The following ZNF365 variants were observed in gnomAD, a reference collection of about 807,000 sequenced individuals.
The protein encoded by ZNF365 is protein ZNF365.
A neutral mutation model predicts 35.0 loss-of-function variants in ZNF365; 22 were observed. The ratio of observed to expected loss-of-function variants is 0.63; its 90% confidence interval spans 0.45 to 0.90. ZNF365 has a LOEUF of 0.90. Ranked by LOEUF, ZNF365 falls within the 40% of genes least tolerant of loss-of-function variation. The pLI, the probability that ZNF365 is intolerant of heterozygous loss-of-function variation, is 0.00. For synonymous variants in ZNF365, 188 were observed against 196.2 expected (o/e 0.96, Z 0.35); for missense variants, 448 against 500.3 (o/e 0.90, Z 1.00).
At chr10:62,374,521 C>T (rs967632600) in intron 1 of ZNF365, 63 bp downstream of exon 1, 4 of 152,190 alleles carry the variant, frequency 2.6e-5, no homozygotes, top group African/African-American at 7.2e-5. Context: ...CCGGGGTGGC[C>T]GGGGCTGGGG....
At chr10:62,393,156 G>A (rs1046017215) in intron 3 of ZNF365, among the ~76,000 whole-genome samples, 5 of 152,066 alleles carry the variant, frequency 3.3e-5, no homozygotes, top group African/African-American at 9.6e-5. Context: ...GTACTGAGCT[G>A]TCATCTCCTA....
At chr10:62,438,245 A>G (rs1224144442) in intron 3 of ZNF365, among the ~76,000 whole-genome samples, 5 of 151,260 alleles carry the variant, frequency 3.3e-5, no homozygotes, top group East Asian at 3.9e-4. Flanking sequence ...CTGGAGTGCA[A>G]TGGCTCTATC....
At chr10:62,403,785 G>T (rs911431769), downstream of ZNF365, among the ~76,000 whole-genome samples, 2 of 152,204 alleles carry the variant, frequency 1.3e-5, no homozygotes, top group Non-Finnish European at 2.9e-5. Context: ...GTGTTTTTGA[G>T]AAATAGCTGT....
At chr10:62,408,776 A>G (rs934888908) in intron 3 of ZNF365, among the ~76,000 whole-genome samples, 2 of 152,146 alleles carry the variant, frequency 1.3e-5, no homozygotes, top group African/African-American at 4.8e-5. Context: ...AGACCAAAAT[A>G]TCAGAGCTAC....
chr10:62,430,725 C>T (rs559643348), intron 3 of ZNF365, among the ~76,000 whole-genome samples: 48 of 152,210 alleles, frequency 3.2e-4, no homozygotes, highest in African/African-American at 9.9e-4. Flanking sequence ...GAGAAAGAGA[C>T]GAAAGAGACA....
chr10:62,391,484 G>A (rs186773872), intron 3 of ZNF365, among the ~76,000 whole-genome samples: 1 of 152,262 alleles, frequency 6.6e-6, no homozygotes, highest in East Asian at 1.9e-4. Context: ...TTATGAGTGA[G>A]AACATACAAT....
intron 3 of ZNF365, among the ~76,000 whole-genome samples, chr10:62,422,382 C>T (rs1840183873): frequency 6.6e-6 from 1 of 152,140 alleles, no homozygotes; most frequent in African/African-American, 2.4e-5. Flanking sequence ...CAACATTCCC[C>T]ACTTTTGAGT....
At chr10:62,413,376 A>G (rs1356063005) in intron 3 of ZNF365, among the ~76,000 whole-genome samples, 1 of 152,188 alleles carries the variant, frequency 6.6e-6, no homozygotes, top group African/African-American at 2.4e-5. Context: ...AAGTATGCAA[A>G]TGCTCCCTAA....
intron 2 of ZNF365, among the ~76,000 whole-genome samples, chr10:62,381,688 T>C (rs1298884124): frequency 1.2e-4 from 19 of 152,150 alleles, no homozygotes. Context: ...GGTCATGATA[T>C]TAAGCTTCCA....
At chr10:62,449,720 A>G (rs774919948) in intron 3 of ZNF365, among the ~76,000 whole-genome samples, 1 of 152,094 alleles carries the variant, frequency 6.6e-6, no homozygotes, top group African/African-American at 2.4e-5. Context: ...TGTCACTATC[A>G]TCTTTTTCTT....
chr10:62,415,483 GCT>G (rs145819067), intron 3 of ZNF365, among the ~76,000 whole-genome samples: 58 of 150,574 alleles, frequency 3.9e-4, no homozygotes, highest in African/African-American at 1.3e-3. Flanking sequence ...TGTTCATTGG[GCT>G]CTCTCTCTCT....
At chr10:62,417,845 G>A (rs1299256210) in intron 3 of ZNF365, among the ~76,000 whole-genome samples, 1 of 151,766 alleles carries the variant, frequency 6.6e-6, no homozygotes, top group African/African-American at 2.4e-5. Flanking sequence ...CTGACTTTTT[G>A]TGTGAAAGGG....
intron 3 of ZNF365, among the ~76,000 whole-genome samples, chr10:62,450,269 A>T (rs1840658876): frequency 6.6e-6 from 1 of 152,226 alleles, no homozygotes; most frequent in African/African-American, 2.4e-5. Flanking sequence ...CTGTGTGCTA[A>T]GTACTGTGCA....
At chr10:62,436,637 G>C (rs1283773562) in intron 3 of ZNF365, among the ~76,000 whole-genome samples, 1 of 152,096 alleles carries the variant, frequency 6.6e-6, no homozygotes, top group East Asian at 1.9e-4. Context: ...GAAGCCTTTT[G>C]AATCTTGCCA....
At position 62,469,271 on chromosome 10, in the gene ZNF365, C is replaced by T. The variant is rs148134825; in HGVS notation, c.981+9474C>T. Among the ~76,000 whole-genome samples the T allele has an allele frequency of 3.0e-3, 453 of 152,332 alleles. 1 individual carries two copies. The highest frequency in any genetic ancestry group is 0.01 in the African/African-American group (434 of 41,576). On this transcript the variant is annotated intron_variant, in intron 4 of 4. Coordinates refer to the ZNF365 transcript ENST00000395255. ...TCTCCACCATGACAATGTTTCTACT[C>T]ATTCCTCTCATCAAACAAGGGCAAT...
intron 3 of ZNF365, among the ~76,000 whole-genome samples, chr10:62,455,658 A>G (rs7079597): frequency 0.012 from 1,834 of 152,218 alleles, 29 homozygotes; most frequent in African/African-American, 0.042. Context: ...GTAAAATAAA[A>G]TTAACTTAGA....
At chr10:62,456,440 T>A (rs758202229) in intron 3 of ZNF365, among the ~76,000 whole-genome samples, 10 of 151,910 alleles carry the variant, frequency 6.6e-5, no homozygotes, top group Non-Finnish European at 1.3e-4. Flanking sequence ...CCCCCACCCC[T>A]CTCTTCTCAT....
intron 3 of ZNF365, among the ~76,000 whole-genome samples, chr10:62,419,464 T>C (rs942780282): frequency 4.6e-5 from 7 of 151,688 alleles, no homozygotes; most frequent in South Asian, 4.2e-4. Context: ...TAAGCTCCAT[T>C]TGGCTTTTGT....
chr10:62,389,275 T>C (rs1229789310), intron 3 of ZNF365, among the ~76,000 whole-genome samples: 1 of 8,908 alleles, frequency 1.1e-4, no homozygotes, highest in Non-Finnish European at 2.0e-4. Flanking sequence ...TCTAGGTCGA[T>C]GGGGGGCGGG....
Sources: allele counts gnomAD v4.1 joint callset (sites outside exome capture counted in the v4.1 genomes callset), GRCh38; gene constraint gnomAD v4.1.1; transcripts MANE v1.5; gene names NCBI Gene and HGNC (gene_info 2026-07-23, HGNC 2026-07-21).